Variants in MAF observed in about 807,000 individuals in gnomAD.
The protein encoded by MAF is MAF bZIP transcription factor, also known as transcription factor Maf.
A neutral mutation model predicts 22.0 loss-of-function variants in MAF; 10 were observed. The observed-to-expected ratio is 0.45, with a 90% CI of 0.28 to 0.77. The LOEUF is 0.77. Ranked by LOEUF, MAF falls within the 30% of genes least tolerant of loss-of-function variation. The pLI, the probability that MAF is intolerant of heterozygous loss-of-function variation, is 0.12. For missense variants in MAF, 544 were observed against 548.4 expected, an observed-to-expected ratio of 0.99 and a Z score of 0.08; for synonymous variants, 337 against 255.8, an observed-to-expected ratio of 1.32 and a Z score of -3.03.
the MAF span, among the ~76,000 whole-genome samples, chr16:79,209,152 C>A: frequency 1.2e-4 from 18 of 152,130 alleles, no homozygotes; most frequent in Admixed American, 1.2e-3. Context: ...TTAGGCTTTT[C>A]AAAAAGGTAT....
At chr16:79,441,132 T>G in the MAF span, among the ~76,000 whole-genome samples, 1 of 152,220 alleles carries the variant, frequency 6.6e-6, no homozygotes, top group African/African-American at 2.4e-5. Flanking sequence ...CCAGCTGTTT[T>G]TATTCCCCAT....
chr16:79,470,381 G>A, the MAF span, among the ~76,000 whole-genome samples: 1 of 152,266 alleles, frequency 6.6e-6, no homozygotes, highest in South Asian at 2.1e-4. Flanking sequence ...TCAGCTCAGA[G>A]GGCCCAGGGG....
the MAF span, chr16:79,264,458 A>G: frequency 6.6e-6 from 1 of 152,202 alleles, no homozygotes; most frequent in Non-Finnish European, 1.5e-5. Flanking sequence ...AGCAGAGTCT[A>G]TGGCCATACC....
the MAF span, among the ~76,000 whole-genome samples, chr16:79,467,230 G>T: frequency 3.3e-5 from 5 of 152,050 alleles, no homozygotes; most frequent in East Asian, 9.7e-4. Context: ...TCATTAGGGG[G>T]TCCTCTCTGA....
the MAF span, chr16:79,212,296 A>T: frequency 3.9e-6 from 4 of 1,021,590 alleles, no homozygotes; most frequent in Non-Finnish European, 5.5e-6. Flanking sequence ...CCAGCTTAGC[A>T]ACTGCTGGGG....
At chr16:79,524,407 A>C in the MAF span, among the ~76,000 whole-genome samples, 1 of 152,188 alleles carries the variant, frequency 6.6e-6, no homozygotes, top group African/African-American at 2.4e-5. Flanking sequence ...GGCAAATGAA[A>C]CTTATCTAAC....
the MAF span, among the ~76,000 whole-genome samples, chr16:79,570,165 C>T: frequency 0.98 from 148,846 of 152,262 alleles, 72,817 homozygotes; most frequent in East Asian, 1. Flanking sequence ...TTGGACATAT[C>T]TGCAAGGTAA....
the MAF span, among the ~76,000 whole-genome samples, chr16:79,427,588 C>T: frequency 6.6e-6 from 1 of 152,106 alleles, no homozygotes; most frequent in Non-Finnish European, 1.5e-5. Flanking sequence ...TCTCAGGGTG[C>T]ACAGCCAGGA....
At chr16:79,558,822 C>T in the MAF span, among the ~76,000 whole-genome samples, 1 of 152,182 alleles carries the variant, frequency 6.6e-6, no homozygotes, top group Non-Finnish European at 1.5e-5. Context: ...GCCTAGTTCT[C>T]ATTTGATTAT....
At chr16:79,444,810 T>G in the MAF span, among the ~76,000 whole-genome samples, 1 of 152,150 alleles carries the variant, frequency 6.6e-6, no homozygotes, top group Non-Finnish European at 1.5e-5. Context: ...GCAACTAGTT[T>G]CAGAGTCCAT....
chr16:79,320,027 G>A, the MAF span, among the ~76,000 whole-genome samples: 2 of 152,174 alleles, frequency 1.3e-5, no homozygotes, highest in Non-Finnish European at 2.9e-5. Flanking sequence ...GTTAGCCCAG[G>A]AGTATGAGTC....
chr16:79,269,279 G>C, the MAF span, among the ~76,000 whole-genome samples: 1 of 152,164 alleles, frequency 6.6e-6, no homozygotes, highest in East Asian at 1.9e-4. Context: ...TCTCGGGCTT[G>C]GGTCTGGGCA....
chr16:79,463,559 T>C, the MAF span, among the ~76,000 whole-genome samples: 143 of 152,254 alleles, frequency 9.4e-4, no homozygotes, highest in Non-Finnish European at 1.7e-3. Context: ...ATTTTGGAAA[T>C]TGGAAATGAG....
At chr16:79,473,380 C>T in the MAF span, among the ~76,000 whole-genome samples, 7 of 152,292 alleles carry the variant, frequency 4.6e-5, no homozygotes, top group East Asian at 1.9e-4. Flanking sequence ...ATTCAGGGTC[C>T]GTCCTAGAGG....
At chr16:79,461,308 T>A in the MAF span, among the ~76,000 whole-genome samples, 4 of 152,280 alleles carry the variant, frequency 2.6e-5, no homozygotes, top group Middle Eastern at 3.4e-3. Flanking sequence ...CACAATAAAA[T>A]GCATTTTTTG....
At chr16:79,267,811 A>T in the MAF span, among the ~76,000 whole-genome samples, 14 of 152,156 alleles carry the variant, frequency 9.2e-5, no homozygotes, top group South Asian at 2.1e-4. Context: ...GCCAGGGGAC[A>T]AGGGTCTGGA....
At chr16:79,495,074 C>G in the MAF span, among the ~76,000 whole-genome samples, 1 of 152,130 alleles carries the variant, frequency 6.6e-6, no homozygotes, top group Non-Finnish European at 1.5e-5. Context: ...GTTCACCAAC[C>G]TAGAAGTTCT....
chr16:79,279,117 T>C, the MAF span, among the ~76,000 whole-genome samples: 1 of 152,174 alleles, frequency 6.6e-6, no homozygotes, highest in African/African-American at 2.4e-5. Context: ...CAACATTTTA[T>C]AGACAGGAAC....
At chr16:79,366,149 T>G in the MAF span, among the ~76,000 whole-genome samples, 6 of 152,226 alleles carry the variant, frequency 3.9e-5, no homozygotes, top group Non-Finnish European at 1.5e-5. Context: ...GTCATTCTCA[T>G]GGTGGCAAGC....
Sources: gnomAD v4.1 joint callset for allele counts (sites outside exome capture counted in the v4.1 genomes callset) on GRCh38, gnomAD v4.1.1 for gene constraint, MANE v1.5 for transcripts, NCBI Gene and HGNC (gene_info 2026-07-23, HGNC 2026-07-21) for gene names.